Variants in EIF2S3B observed in about 807,000 individuals in gnomAD.
The protein encoded by EIF2S3B is eukaryotic translation initiation factor 2 subunit 3B.
A neutral mutation model predicts 26.4 loss-of-function variants in EIF2S3B; 16 were observed. The observed-to-expected ratio is 0.61, with a 90% CI of 0.41 to 0.92. EIF2S3B has a LOEUF of 0.92. Ranked by LOEUF, EIF2S3B falls within the 40% of genes least tolerant of loss-of-function variation. The pLI, the probability that EIF2S3B is intolerant of heterozygous loss-of-function variation, is 0.00. For synonymous variants in EIF2S3B, 183 were observed against 204.4 expected (o/e 0.90, Z 0.89); for missense variants, 510 against 575.5 (o/e 0.89, Z 1.16).
chr12:10,507,315 T>A lies in EIF2S3B; in HGVS notation c.1413T>A (p.Asp471Glu), dbSNP rs1430799383. Residue 471 changes from aspartate (D) to glutamate (E), a missense_variant, in exon 1 of 1, where the codon GAT (aspartate) becomes GAA (glutamate). Asp to Glu is a conservative substitution (Grantham distance 45). Transcript: ENST00000538173. ...RGVTIKPTVD[D>E]D Reference sequence around the variant, plus strand: ...TGACAATCAAGCCAACAGTAGATGATGACTGAAGAATACCGGTTAAATAAT... The same window carrying A: ...TGACAATCAAGCCAACAGTAGATGAAGACTGAAGAATACCGGTTAAATAAT... 1.2e-6 allele frequency: 2 copies of A among 1,613,078 alleles called. No individual in the cohort carries two copies. The highest frequency in any genetic ancestry group is 1.7e-6 in the Non-Finnish European group (2 of 1,179,026).
exon 2 of EIF2S3B, chr12:10,522,989 G>GTA (rs149542497): frequency 0.11 from 18,982 of 169,508 alleles, 1,367 homozygotes; most frequent in Non-Finnish European, 0.16. Context: ...ATACATACAT[G>GTA]TATATATTTT....
At chr12:10,510,871 T>A (rs1281029760), downstream of EIF2S3B, among the ~76,000 whole-genome samples, 1 of 152,208 alleles carries the variant, frequency 6.6e-6, no homozygotes, top group Non-Finnish European at 1.5e-5. Flanking sequence ...GCAATTATAT[T>A]AATCCTAAGA....
At chr12:10,508,525 C>CAAAAAGAA (rs1864671333), downstream of EIF2S3B, among the ~76,000 whole-genome samples, 1 of 62,972 alleles carries the variant, frequency 1.6e-5, no homozygotes, top group African/African-American at 5.5e-5. Flanking sequence ...TGTTAGAAAG[C>CAAAAAGAA]AAAAAAAAAA....
In EIF2S3B at chr12:10,507,315, T is replaced by C; in HGVS notation, c.1413T>C (p.Asp471=). 1 of 1,613,078 alleles carries C rather than the reference T, an allele frequency of 6.2e-7. No homozygotes were observed. Among genetic ancestry groups the C allele is most frequent in the Non-Finnish European group, 8.5e-7 (1 of 1,179,026 alleles). Residue 471 remains aspartate (D), a synonymous_variant, in exon 1 of 1, where the codon GAT becomes GAC. Transcript: ENST00000538173. ...RGVTIKPTVD[D]D ...TGACAATCAAGCCAACAGTAGATGA[T>C]GACTGAAGAATACCGGTTAAATAAT...
chr12:10,519,150 C>G (rs531017663), intron 1 of EIF2S3B, among the ~76,000 whole-genome samples: 1 of 152,166 alleles, frequency 6.6e-6, no homozygotes, highest in East Asian at 1.9e-4. Flanking sequence ...GGTACTGGTA[C>G]CAAAACAGCG....
chr12:10,515,498 G>A (rs1293855914), intron 1 of EIF2S3B, among the ~76,000 whole-genome samples: 1 of 151,910 alleles, frequency 6.6e-6, no homozygotes, highest in Non-Finnish European at 1.5e-5. Flanking sequence ...GGACAGTTTT[G>A]TAAAAACTGA....
chr12:10,506,939 C>G lies in EIF2S3B; in HGVS notation c.1037C>G (p.Thr346Ser), dbSNP rs1480671749. Reference sequence around the variant, plus strand: ...GGAGTTGGAACAAAAATTGACCCCACTTTGTGCCGGGCTGACAGAATGGTG... The same window carrying G: ...GGAGTTGGAACAAAAATTGACCCCAGTTTGTGCCGGGCTGACAGAATGGTG... ...LIGVGTKIDP[T>S]LCRADRMVGQ... Residue 346 changes from threonine to serine, a missense_variant, in exon 1 of 1, where the codon ACT (threonine) becomes AGT (serine). Coordinates refer to ENST00000538173, the MANE Select transcript of EIF2S3B (RefSeq NM_001357734.3). The G allele has an allele frequency of 6.2e-7, 1 of 1,613,886 alleles. No individual in the cohort carries two copies. The highest frequency in any genetic ancestry group is 8.5e-7 in the Non-Finnish European group (1 of 1,179,722).
rs1864645349 is a variant in EIF2S3B at position 10,507,214 on chromosome 12, G to A, written c.1312G>A (p.Gly438Arg). 6.2e-7 allele frequency: 1 copy of A among 1,613,810 alleles called. No individual in the cohort carries two copies. Among genetic ancestry groups the A allele is most frequent in the African/African-American group, 1.3e-5 (1 of 74,902 alleles). ...GACCAATCCAGTGTGCACAGAGGTA[G>A]GAGAAAAAATTGCCCTTAGCCGAAG... ...VLTNPVCTEV[G>R]EKIALSRRVE... Residue 438 changes from glycine (G) to arginine (R), a missense_variant, in exon 1 of 1, where the codon GGA (glycine) becomes AGA (arginine). By Grantham distance (125) the Gly-to-Arg change is moderately radical. Coordinates refer to ENST00000538173, the MANE Select transcript of EIF2S3B (RefSeq NM_001357734.3).
chr12:10,512,172 A>G (rs993244726), downstream of EIF2S3B, among the ~76,000 whole-genome samples: 8 of 152,170 alleles, frequency 5.3e-5, no homozygotes, highest in Non-Finnish European at 1.0e-4. Context: ...TCCTTTCCTT[A>G]TCGCCCGCTC....
intron 1 of EIF2S3B, chr12:10,522,539 A>T (rs1864843949): frequency 1.6e-6 from 1 of 610,830 alleles, no homozygotes; most frequent in Non-Finnish European, 2.9e-6. Context: ...ATACCTAAAT[A>T]GATTTGAGTT....
rs534355822 is a variant in EIF2S3B, at chr12:10,514,571, T to C, written c.1308+7361T>C. On this transcript the variant is annotated intron_variant, in intron 1 of 1. Coordinates refer to the EIF2S3B transcript ENST00000322446. ...TTCTTTCTGGTTGTCTCCAGTGATA[T>C]ACCACAAAGCACCTAAATCATCACC... Among the ~76,000 whole-genome samples, 302 of 152,300 alleles carry C rather than the reference T, an allele frequency of 2.0e-3. 10 individuals carry two copies. The South Asian group carries it at 0.059, about 30-fold the overall frequency.
At chr12:10,509,939 C>A (rs527904121), downstream of EIF2S3B, among the ~76,000 whole-genome samples, 3 of 152,070 alleles carry the variant, frequency 2.0e-5, no homozygotes, top group South Asian at 6.2e-4. Flanking sequence ...TTGTTTTCAT[C>A]CTATTTTTTT....
chr12:10,508,525 C>CAAAAAAAAAAAAAAA, downstream of EIF2S3B, among the ~76,000 whole-genome samples: 5 of 62,972 alleles, frequency 7.9e-5, no homozygotes, highest in African/African-American at 1.1e-4. Flanking sequence ...TGTTAGAAAG[C>CAAAAAAAAAAAAAAA]AAAAAAAAAA....
chr12:10,516,232 G>C (rs112039876), intron 1 of EIF2S3B, among the ~76,000 whole-genome samples: 3 of 151,886 alleles, frequency 2.0e-5, no homozygotes, highest in Admixed American at 2.0e-4. Context: ...ACAAAGTTTC[G>C]TAGAGGTTCC....
intron 1 of EIF2S3B, among the ~76,000 whole-genome samples, chr12:10,518,311 A>T (rs568256448): frequency 5.0e-4 from 76 of 152,228 alleles, no homozygotes; most frequent in Middle Eastern, 3.4e-3. Context: ...GTGCATATAT[A>T]TTTAGGATAG....
At chr12:10,513,739 G>A (rs1193035055) in intron 1 of EIF2S3B, among the ~76,000 whole-genome samples, 2 of 152,180 alleles carry the variant, frequency 1.3e-5, no homozygotes, top group Non-Finnish European at 2.9e-5. Flanking sequence ...ATAAGGCCGG[G>A]CACAGTGGCT....
Position 10,507,123 on chromosome 12 carries a change from C to T in EIF2S3B, c.1221C>T (p.Asn407=). Residue 407 remains asparagine, a synonymous_variant, in exon 1 of 1, where the codon AAC becomes AAT. Transcript: ENST00000538173. ...KLSKNEVLMV[N]IGSLSTGGRV... Reference sequence around the variant, plus strand: ...CTAAGAATGAAGTGCTCATGGTGAACATAGGATCCCTGTCGACAGGAGGGA... The same window carrying T: ...CTAAGAATGAAGTGCTCATGGTGAATATAGGATCCCTGTCGACAGGAGGGA... 1 of 1,613,818 alleles carries T rather than the reference C, an allele frequency of 6.2e-7. No homozygotes were observed. Among genetic ancestry groups the T allele is most frequent in the Non-Finnish European group, 8.5e-7 (1 of 1,179,708 alleles).
downstream of EIF2S3B, among the ~76,000 whole-genome samples, chr12:10,509,084 T>A (rs1338674525): frequency 1.3e-5 from 2 of 152,128 alleles, no homozygotes; most frequent in Non-Finnish European, 2.9e-5. Context: ...GTCTGCTACT[T>A]AGTGCTCTAT....
At chr12:10,511,613 T>C (rs1478798422), downstream of EIF2S3B, among the ~76,000 whole-genome samples, 1 of 152,176 alleles carries the variant, frequency 6.6e-6, no homozygotes, top group Non-Finnish European at 1.5e-5. Flanking sequence ...ACTAATTATT[T>C]ATAAAACAAA....
Sources: allele counts gnomAD v4.1 joint callset (sites outside exome capture counted in the v4.1 genomes callset), GRCh38; gene constraint gnomAD v4.1.1; transcripts MANE v1.5; gene names NCBI Gene and HGNC (gene_info 2026-07-23, HGNC 2026-07-21).